Variants in AUTS2 observed in about 807,000 individuals in gnomAD.
The protein encoded by AUTS2 is autism susceptibility gene 2 protein.
A neutral mutation model predicts 112.4 loss-of-function variants in AUTS2; 17 were observed. The observed-to-expected ratio is 0.15, with a 90% CI of 0.10 to 0.23. The LOEUF (loss-of-function observed/expected upper bound fraction) is 0.23. Among genes scored for constraint, AUTS2 ranks in the 10% least tolerant of loss-of-function variants. The pLI, the probability that AUTS2 is intolerant of heterozygous loss-of-function variation, is 1.00. For missense variants in AUTS2, 1,510 were observed against 1,701.6 expected (o/e 0.89, Z 1.98); for synonymous variants, 751 against 702.7 (o/e 1.07, Z -1.09).
At chr7:70,420,679 A>G (rs1475864605) in intron 4 of AUTS2, among the ~76,000 whole-genome samples, 1 of 152,354 alleles carries the variant, frequency 6.6e-6, no homozygotes, top group South Asian at 2.1e-4. Context: ...ACTGATAGAA[A>G]TCAGACAAAA....
intron 5 of AUTS2, among the ~76,000 whole-genome samples, chr7:70,675,954 G>A (rs1473011796): frequency 3.3e-5 from 5 of 152,166 alleles, no homozygotes; most frequent in African/African-American, 7.2e-5. Flanking sequence ...GATGGGGACC[G>A]CTCCATGGGG....
chr7:69,817,033 G>C (rs559168724), intron 1 of AUTS2, among the ~76,000 whole-genome samples: 2 of 152,260 alleles, frequency 1.3e-5, no homozygotes, highest in African/African-American at 2.4e-5. Context: ...ATCTAGGAAG[G>C]CTGTTGTGGA....
chr7:70,408,804 G>T (rs1794652381), intron 4 of AUTS2, among the ~76,000 whole-genome samples: 1 of 152,062 alleles, frequency 6.6e-6, no homozygotes, highest in Admixed American at 6.5e-5. Context: ...GGCTTCCTTT[G>T]CACGCTGCAC....
intron 1 of AUTS2, among the ~76,000 whole-genome samples, chr7:69,649,859 G>T (rs1795214582): frequency 6.6e-6 from 1 of 152,194 alleles, no homozygotes; most frequent in Non-Finnish European, 1.5e-5. Flanking sequence ...AATCTGGAAG[G>T]ATCACTGGGA....
intron 1 of AUTS2, among the ~76,000 whole-genome samples, chr7:69,884,785 G>A (rs972722206): frequency 3.5e-4 from 53 of 152,176 alleles, no homozygotes; most frequent in Admixed American, 9.8e-4. Context: ...CATCTTTCAA[G>A]TCAATGTAGT....
intron 4 of AUTS2, among the ~76,000 whole-genome samples, chr7:70,225,459 T>C (rs2096206981): frequency 1.3e-5 from 2 of 152,296 alleles, no homozygotes; most frequent in Admixed American, 6.5e-5. Context: ...ACTGAACTCA[T>C]CCTGTGTCCC....
intron 4 of AUTS2, among the ~76,000 whole-genome samples, chr7:70,273,483 A>C (rs548066763): frequency 3.4e-4 from 51 of 151,810 alleles, no homozygotes; most frequent in African/African-American, 1.2e-3. Context: ...TATTATTATT[A>C]TTATTATTAT....
intron 2 of AUTS2, among the ~76,000 whole-genome samples, chr7:69,972,266 C>T (rs1797879743): frequency 6.6e-6 from 1 of 152,098 alleles, no homozygotes; most frequent in Non-Finnish European, 1.5e-5. Flanking sequence ...GTCTCTTGCT[C>T]TTTAAATGTC....
intron 6 of AUTS2, among the ~76,000 whole-genome samples, chr7:70,745,425 G>A (rs1056189901): frequency 3.9e-5 from 6 of 152,128 alleles, no homozygotes; most frequent in African/African-American, 1.2e-4. Flanking sequence ...TCAGGTTTCC[G>A]GATTTAAAGC....
rs80038308 is a variant in AUTS2 at position 69,912,417 on chromosome 7, C to T, written c.522+12919C>T. ...GTGGGGCTCCTGCCTGTTCCTGGCC[C>T]CAGCCGGCTCCTCAGAGCATACAGC... is the stretch of plus-strand genomic sequence containing the variant. On this transcript the variant is annotated intron_variant, in intron 2 of 18. Transcript: ENST00000342771. Among the ~76,000 whole-genome samples, 447 of 152,272 alleles carry T rather than the reference C, an allele frequency of 2.9e-3. 5 individuals carry two copies. Among genetic ancestry groups the T allele is most frequent in the African/African-American group, 0.01 (433 of 41,556 alleles).
intron 6 of AUTS2, among the ~76,000 whole-genome samples, chr7:70,733,138 G>A (rs570873993): frequency 1.6e-4 from 24 of 152,270 alleles, no homozygotes; most frequent in Admixed American, 5.9e-4. Context: ...AGACAGCACC[G>A]AAGTATATAA....
chr7:70,053,517 C>T (rs1801846561), intron 2 of AUTS2, among the ~76,000 whole-genome samples: 1 of 146,464 alleles, frequency 6.8e-6, no homozygotes, highest in East Asian at 2.0e-4. Context: ...CAAATGTCTT[C>T]CATTGTGGCA....
At chr7:69,652,812 G>T (rs1293065533) in intron 1 of AUTS2, among the ~76,000 whole-genome samples, 2 of 152,100 alleles carry the variant, frequency 1.3e-5, no homozygotes, top group African/African-American at 4.8e-5. Flanking sequence ...TGTGAAAAAA[G>T]TAATAGTAAA....
chr7:70,361,119 G>A (rs918445684), intron 4 of AUTS2, among the ~76,000 whole-genome samples: 2 of 152,186 alleles, frequency 1.3e-5, no homozygotes, highest in African/African-American at 4.8e-5. Context: ...GCCGAGGTGG[G>A]CGGATCATGA....
intron 1 of AUTS2, among the ~76,000 whole-genome samples, chr7:69,604,570 G>C (rs960517641): frequency 6.6e-6 from 1 of 152,230 alleles, no homozygotes; most frequent in African/African-American, 2.4e-5. Context: ...TGGGGAATGG[G>C]ACCTAGAAGG....
intron 2 of AUTS2, among the ~76,000 whole-genome samples, chr7:70,113,056 C>A (rs562700978): frequency 6.6e-6 from 1 of 152,204 alleles, no homozygotes; most frequent in African/African-American, 2.4e-5. Context: ...CTTTCTCTAG[C>A]TGTTGTAGAT....
chr7:70,323,320 A>AG (rs1790340472), intron 4 of AUTS2, among the ~76,000 whole-genome samples: 1 of 152,234 alleles, frequency 6.6e-6, no homozygotes, highest in African/African-American at 2.4e-5. Context: ...GATGGTAGAA[A>AG]GAAATAATAT....
chr7:70,641,644 C>T (rs1301800338), intron 5 of AUTS2, among the ~76,000 whole-genome samples: 1 of 152,186 alleles, frequency 6.6e-6, no homozygotes, highest in Non-Finnish European at 1.5e-5. Flanking sequence ...TAGTTCAGAA[C>T]ACACTGTCAT....
chr7:70,767,050 C>T (rs1789989545), intron 9 of AUTS2, among the ~76,000 whole-genome samples: 1 of 152,008 alleles, frequency 6.6e-6, no homozygotes, highest in African/African-American at 2.4e-5. Context: ...ATTCATAGTG[C>T]CATATTAGAA....
Sources: allele counts gnomAD v4.1 joint callset (sites outside exome capture counted in the v4.1 genomes callset), GRCh38; gene constraint gnomAD v4.1.1; transcripts MANE v1.5; gene names NCBI Gene and HGNC (gene_info 2026-07-23, HGNC 2026-07-21).